The following PARD3B variants were observed in gnomAD, a reference collection of about 807,000 sequenced individuals.
The protein encoded by PARD3B is partitioning defective 3 homolog B.
In PARD3B, 103 loss-of-function variants were observed where a neutral mutation model predicts 130.2. The ratio of observed to expected loss-of-function variants is 0.79; its 90% CI spans 0.67 to 0.93. The LOEUF is 0.93. PARD3B is among the 40% of genes least tolerant of loss of function. The pLI is 0.00. For missense variants in PARD3B, 1,609 were observed against 1,499.2 expected (o/e 1.07, Z -1.21); for synonymous variants, 583 against 553.2 (o/e 1.05, Z -0.76).
At chr2:204,774,257 T>C (rs2041516221) in intron 2 of PARD3B, among the ~76,000 whole-genome samples, 1 of 152,092 alleles carries the variant, frequency 6.6e-6, no homozygotes, top group Non-Finnish European at 1.5e-5. Context: ...TATGTATTTC[T>C]TTACTGTCTT....
chr2:205,043,991 G>A (rs9752803), intron 3 of PARD3B, among the ~76,000 whole-genome samples: 2 of 135,644 alleles, frequency 1.5e-5, no homozygotes, highest in Non-Finnish European at 3.0e-5. Flanking sequence ...AGAGTGTGAT[G>A]TTCCCCTTCC....
intron 3 of PARD3B, among the ~76,000 whole-genome samples, chr2:205,024,663 G>C (rs139042152): frequency 6.6e-6 from 1 of 152,268 alleles, no homozygotes; most frequent in East Asian, 1.9e-4. Context: ...GAAGCCAATT[G>C]ATGTGGGTAA....
chr2:205,324,524 C>A (rs1163917434), intron 18 of PARD3B, among the ~76,000 whole-genome samples: 1 of 152,090 alleles, frequency 6.6e-6, no homozygotes, highest in Non-Finnish European at 1.5e-5. Context: ...AATAGAGTTG[C>A]AGGTTAATAT....
Position 204,677,311 on chromosome 2 carries a change from G to A in PARD3B, c.121-8870G>A, listed in dbSNP as rs1374413016. The stretch of plus-strand genomic sequence containing the variant: ...GTAGCATTGGCCTTATTCAGAGGAC[G>A]TATGTTCACTTCCATTGTGGTGTCT... On this transcript the variant is annotated intron_variant, in intron 1 of 22. Coordinates refer to ENST00000406610, the MANE Select transcript of PARD3B (RefSeq NM_001302769.2). The surrounding 1 kb of genome is among the most constrained non-coding windows in gnomAD (Gnocchi z 4.1). Among the ~76,000 whole-genome samples, 2 of 152,198 alleles carry A rather than the reference G, an allele frequency of 1.3e-5. No homozygotes were observed. Among genetic ancestry groups the A allele is most frequent in the African/African-American group, 4.8e-5 (2 of 41,442 alleles).
In PARD3B at chr2:204,669,193, T is replaced by C. The variant is rs933451465; in HGVS notation, c.121-16988T>C. Among the ~76,000 whole-genome samples, 23 of 152,206 alleles carry C rather than the reference T, an allele frequency of 1.5e-4. No homozygotes were observed. The stretch of plus-strand genomic sequence containing the variant: ...AAATAGGAAACCAGTAGAACCCTTC[T>C]TTATTTCAGTTTGGTGATATGAATG... On this transcript the variant is annotated intron_variant, in intron 1 of 22. Transcript: ENST00000406610. This position sits in a 1 kb window ranked among gnomAD's most constrained non-coding sequence, Gnocchi z 4.3.
chr2:204,795,346 T>A, intron 2 of PARD3B, among the ~76,000 whole-genome samples: 1 of 152,204 alleles, frequency 6.6e-6, no homozygotes, highest in East Asian at 1.9e-4. Context: ...TGAGTCATTT[T>A]GTTATATATG....
intron 2 of PARD3B, among the ~76,000 whole-genome samples, chr2:204,937,900 C>A (rs749980740): frequency 6.6e-6 from 1 of 152,112 alleles, no homozygotes; most frequent in East Asian, 1.9e-4. Context: ...GGATTGTCTT[C>A]GGGGAAATCT....
intron 22 of PARD3B, among the ~76,000 whole-genome samples, chr2:205,614,718 A>T (rs549617744): frequency 1.2e-3 from 163 of 139,224 alleles, no homozygotes; most frequent in Admixed American, 3.4e-3. Context: ...AAAAAAAATT[A>T]AAAAAAAAAA....
At chr2:205,497,142 T>G (rs2049957392) in intron 20 of PARD3B, among the ~76,000 whole-genome samples, 2 of 151,786 alleles carry the variant, frequency 1.3e-5, no homozygotes, top group Non-Finnish European at 2.9e-5. Flanking sequence ...AAAGAAAACT[T>G]TTTTTAAGTA....
Position 205,118,994 on chromosome 2 carries a change from G to A in PARD3B, c.754G>A (p.Glu252Lys). 2.5e-6 allele frequency: 4 copies of A among 1,611,818 alleles called. No homozygotes were observed. Among genetic ancestry groups the A allele is most frequent in the Non-Finnish European group, 3.4e-6 (4 of 1,179,122 alleles). ...SKREGLFHEN[E>K]CIVKINNVDL... is the part of the protein sequence containing the mutation. The stretch of plus-strand genomic sequence containing the variant: ...GCGGGAGGGACTATTTCACGAAAAT[G>A]AATGTATTGTAAAAATCAACAATGT... Residue 252 changes from glutamate (E) to lysine (K), a missense_variant, in exon 7 of 23, where the codon GAA becomes AAA. Transcript: ENST00000406610.
rs2053228201 is a variant in PARD3B at position 205,563,884 on chromosome 2, GC to G, written c.3260+10485del. On this transcript the variant is annotated intron_variant, in intron 22 of 22. Coordinates refer to ENST00000406610, the MANE Select transcript of PARD3B (RefSeq NM_001302769.2). This position sits in a 1 kb window ranked among gnomAD's most constrained non-coding sequence, Gnocchi z 4.2. ...ACCATGTGCATGGACCAGGTCCCCA[GC>G]CCCTAGATTGCACTCTGCACCACTC... is the stretch of plus-strand genomic sequence containing the variant. Among the ~76,000 whole-genome samples, 1 of 152,106 alleles carries G rather than the reference GC, an allele frequency of 6.6e-6. No homozygotes were observed. Among genetic ancestry groups the G allele is most frequent in the Non-Finnish European group, 1.5e-5 (1 of 68,028 alleles).
At chr2:205,060,273 C>T (rs192907995) in intron 4 of PARD3B, among the ~76,000 whole-genome samples, 87 of 152,100 alleles carry the variant, frequency 5.7e-4, no homozygotes, top group African/African-American at 1.9e-3. Flanking sequence ...AAAATGGTGG[C>T]GTTCTATTTG....
At chr2:204,903,979 A>G (rs1461883661) in intron 2 of PARD3B, among the ~76,000 whole-genome samples, 1 of 152,200 alleles carries the variant, frequency 6.6e-6, no homozygotes, top group African/African-American at 2.4e-5. Context: ...CCCGTTTGCT[A>G]TTGAATGCTA....
chr2:205,122,926 A>G lies in PARD3B; in HGVS notation c.1165+977A>G, dbSNP rs1227114900. Among the ~76,000 whole-genome samples, 2 of 152,232 alleles carry G rather than the reference A, an allele frequency of 1.3e-5. No homozygotes were observed. The highest frequency in any genetic ancestry group is 2.4e-5 in the African/African-American group (1 of 41,456). On this transcript the variant is annotated intron_variant, in intron 8 of 22. Coordinates refer to ENST00000406610, the MANE Select transcript of PARD3B (RefSeq NM_001302769.2). This position sits in a 1 kb window ranked among gnomAD's most constrained non-coding sequence, Gnocchi z 4.3. ...CTTATCAATCAGGTTTTTTATTTAA[A>G]TGCCTCAGTTGTATTTTTTGTACAA...
intron 2 of PARD3B, among the ~76,000 whole-genome samples, chr2:204,911,385 T>G (rs2047229510): frequency 6.6e-6 from 1 of 152,228 alleles, no homozygotes; most frequent in Admixed American, 6.5e-5. Context: ...TCAGTGGTGT[T>G]CACCTGACTA....
At chr2:205,182,128 T>G (rs1362807127) in intron 13 of PARD3B, among the ~76,000 whole-genome samples, 1 of 152,046 alleles carries the variant, frequency 6.6e-6, no homozygotes, top group Non-Finnish European at 1.5e-5. Flanking sequence ...CCTTCTCTAC[T>G]TAAAATACAA....
chr2:204,964,170 C>CA (rs1243302602), intron 2 of PARD3B, among the ~76,000 whole-genome samples: 4 of 152,180 alleles, frequency 2.6e-5, no homozygotes, highest in Non-Finnish European at 5.9e-5. Context: ...CATTTACACA[C>CA]ATTGCACTTT....
rs978771765 is a variant in PARD3B at position 205,318,447 on chromosome 2, G to A, written c.2630+16746G>A. ...ACTATGAGGGCATTAAATGTCGAGT[G>A]ATATGACGACTATCGCACTTTTGGA... is the stretch of plus-strand genomic sequence containing the variant. On this transcript the variant is annotated intron_variant, in intron 18 of 22. Coordinates refer to ENST00000406610, the MANE Select transcript of PARD3B (RefSeq NM_001302769.2). Among the ~76,000 whole-genome samples the A allele has an allele frequency of 3.3e-5, 5 of 152,128 alleles. No homozygotes were observed. In the East Asian group the frequency reaches 9.6e-4, roughly 29 times the overall value.
At chr2:205,536,401 A>G (rs1370280961) in intron 21 of PARD3B, among the ~76,000 whole-genome samples, 5 of 152,096 alleles carry the variant, frequency 3.3e-5, no homozygotes, top group Non-Finnish European at 7.4e-5. Context: ...CGCTCTGTGA[A>G]TTATGGTATT....
Sources: gnomAD v4.1 joint callset for allele counts (sites outside exome capture counted in the v4.1 genomes callset) on GRCh38, gnomAD v4.1.1 for gene constraint, Gnocchi (gnomAD v3.1) non-coding constraint, MANE v1.5 for transcripts, NCBI Gene and HGNC (gene_info 2026-07-23, HGNC 2026-07-21) for gene names.